Variants in PCSK5 observed in about 807,000 individuals in gnomAD.
The protein encoded by PCSK5 is proprotein convertase subtilisin/kexin type 5, also known as prohormone convertase 5.
A neutral mutation model predicts 233.2 loss-of-function variants in PCSK5; 129 were observed. The observed-to-expected ratio is 0.55, with a 90% CI of 0.48 to 0.64. PCSK5 has a LOEUF of 0.64. PCSK5 is among the 30% of genes least tolerant of loss of function. The pLI is 0.00. For synonymous variants in PCSK5, 825 were observed against 879.2 expected (o/e 0.94, Z 1.09); for missense variants, 2,076 against 2,430.1 (o/e 0.85, Z 3.06).
chr9:76,075,867 ATATGC>A (rs1830626286), intron 7 of PCSK5, among the ~76,000 whole-genome samples: 1 of 152,170 alleles, frequency 6.6e-6, no homozygotes, highest in African/African-American at 2.4e-5. Flanking sequence ...CCCACTTTCT[ATATGC>A]TGTAGATAAA....
intron 2 of PCSK5, among the ~76,000 whole-genome samples, chr9:75,952,535 T>C (rs1476978838): frequency 3.3e-5 from 5 of 152,214 alleles, no homozygotes; most frequent in African/African-American, 1.2e-4. Context: ...ATGTATATAG[T>C]TGTGTAACTA....
chr9:76,037,038 A>G (rs1273661804), intron 5 of PCSK5, among the ~76,000 whole-genome samples: 3 of 152,246 alleles, frequency 2.0e-5, no homozygotes, highest in Non-Finnish European at 4.4e-5. Flanking sequence ...ACTTCGAACA[A>G]GTAACAAAGA....
chr9:76,169,103 C>T (rs1823217334), intron 12 of PCSK5, among the ~76,000 whole-genome samples: 1 of 152,162 alleles, frequency 6.6e-6, no homozygotes, highest in Non-Finnish European at 1.5e-5. Flanking sequence ...ATTGAATTCA[C>T]ACATGCAGAA....
intron 5 of PCSK5, among the ~76,000 whole-genome samples, chr9:76,035,770 C>A (rs1828835165): frequency 6.6e-6 from 1 of 150,686 alleles, no homozygotes; most frequent in African/African-American, 2.5e-5. Context: ...CCCTTTTAAC[C>A]TTCTCTTGCA....
chr9:76,184,937 G>A (rs1824034049), intron 17 of PCSK5, among the ~76,000 whole-genome samples, 180 bp downstream of exon 17: 1 of 152,168 alleles, frequency 6.6e-6, no homozygotes, highest in Non-Finnish European at 1.5e-5. Context: ...TGAAAAATGG[G>A]ATGCTGTGTT....
chr9:76,212,126 C>T (rs914342306), intron 20 of PCSK5, among the ~76,000 whole-genome samples: 19 of 152,122 alleles, frequency 1.2e-4, no homozygotes, highest in African/African-American at 3.9e-4. Flanking sequence ...CAAGTATCTA[C>T]GGATGTGCAA....
chr9:76,209,434 T>C (rs909850066), intron 20 of PCSK5: 1 of 484,910 alleles, frequency 2.1e-6, no homozygotes, highest in Non-Finnish European at 4.1e-6. Flanking sequence ...TGTTATGATG[T>C]AAACTTCACC....
intron 1 of PCSK5, among the ~76,000 whole-genome samples, chr9:75,893,592 A>G (rs1244077985): frequency 6.6e-6 from 1 of 152,174 alleles, no homozygotes; most frequent in Non-Finnish European, 1.5e-5. Flanking sequence ...GCATAGCGAG[A>G]TGGGAGAAAT....
At chr9:76,045,322 A>G (rs953039518) in intron 5 of PCSK5, among the ~76,000 whole-genome samples, 2 of 152,210 alleles carry the variant, frequency 1.3e-5, no homozygotes, top group African/African-American at 4.8e-5. Context: ...GAAAAGTTTT[A>G]AAACAGTGAT....
rs535008891 is a variant in PCSK5, at chr9:76,331,687, A to T, written c.4571-746A>T. On this transcript the variant is annotated intron_variant, in intron 33 of 37. Coordinates refer to ENST00000674117, the MANE Select transcript of PCSK5 (RefSeq NM_001372043.1). ...ATCTCAAAAAAAAAAAAAAAGAGAG[A>T]TGCCAGGGGATCAGAGTCAGTAATA... 1.4e-4 allele frequency among the ~76,000 whole-genome samples: 21 copies of T among 149,516 alleles called. No homozygotes were observed. In the East Asian group the frequency reaches 3.9e-3, roughly 28 times the overall value.
chr9:76,313,411 A>G (rs1193781428), intron 30 of PCSK5, among the ~76,000 whole-genome samples: 4 of 152,340 alleles, frequency 2.6e-5, no homozygotes, highest in Middle Eastern at 3.4e-3. Flanking sequence ...AAGAAACCCT[A>G]TACCCTTTTA....
rs370466893 is a variant in PCSK5, at chr9:76,060,980, G to A, written c.633-6975G>A. ...ATAAGAGATATAACTAATATAAACA[G>A]AGTATTTGAAAGTAAAAAATGTGTA... On this transcript the variant is annotated intron_variant, in intron 5 of 37. Transcript: ENST00000674117. Among the ~76,000 whole-genome samples, 7 of 152,108 alleles carry A rather than the reference G, an allele frequency of 4.6e-5. No homozygotes were observed. In the East Asian group the frequency reaches 7.7e-4, roughly 17 times the overall value.
chr9:75,981,506 A>AT (rs1306327186), intron 2 of PCSK5, among the ~76,000 whole-genome samples: 3 of 152,096 alleles, frequency 2.0e-5, no homozygotes, highest in African/African-American at 7.2e-5. Context: ...TTTATGTATT[A>AT]TTTTTTCTCA....
chr9:75,893,294 A>G (rs77746220), intron 1 of PCSK5, among the ~76,000 whole-genome samples: 2,785 of 152,294 alleles, frequency 0.018, 39 homozygotes, highest in South Asian at 0.032. Context: ...CCAGCTAGAC[A>G]GTGGCAAAGC....
intron 24 of PCSK5, among the ~76,000 whole-genome samples, chr9:76,251,425 G>T (rs1426965119): frequency 1.3e-5 from 2 of 151,834 alleles, no homozygotes; most frequent in Admixed American, 6.6e-5. Context: ...TTAGCTGGGC[G>T]TGGTGGCACG....
chr9:75,904,831 C>T (rs536678208), intron 1 of PCSK5, among the ~76,000 whole-genome samples: 1 of 152,292 alleles, frequency 6.6e-6, no homozygotes, highest in Non-Finnish European at 1.5e-5. Flanking sequence ...CATTTGTCCA[C>T]ACAAAATCTT....
chr9:76,184,610 C>T, intron 16 of PCSK5, 63 bp from the exon 17 acceptor site: 1 of 1,064,086 alleles, frequency 9.4e-7, no homozygotes, highest in Non-Finnish European at 1.4e-6. Context: ...ATTAGAACAT[C>T]TCTGATGCTT....
At chr9:76,310,878 C>T (rs1828846990) in intron 30 of PCSK5, 27 bp downstream of exon 30, 1 of 1,444,522 alleles carries the variant, frequency 6.9e-7, no homozygotes, top group East Asian at 2.4e-5. Context: ...ATTTTACTTC[C>T]TGCTTGTAAT....
chr9:76,180,065 T>A (rs1823781669), intron 15 of PCSK5, among the ~76,000 whole-genome samples: 1 of 116,212 alleles, frequency 8.6e-6, no homozygotes, highest in Non-Finnish European at 1.8e-5. Context: ...AACATGATGT[T>A]TATATATATA....
Sources: gnomAD v4.1 joint callset for allele counts (sites outside exome capture counted in the v4.1 genomes callset) on GRCh38, gnomAD v4.1.1 for gene constraint, MANE v1.5 for transcripts, NCBI Gene and HGNC (gene_info 2026-07-23, HGNC 2026-07-21) for gene names.